Variants in MAD1L1 observed in about 807,000 individuals in gnomAD.
The protein encoded by MAD1L1 is mitotic spindle assembly checkpoint protein MAD1.
A neutral mutation model predicts 96.9 loss-of-function variants in MAD1L1; 95 were observed. The ratio of observed to expected loss-of-function variants is 0.98; its 90% CI spans 0.83 to 1.16. MAD1L1 has a LOEUF of 1.16. Among genes scored for constraint, MAD1L1 ranks in the 50% most tolerant of loss-of-function variants. The probability of loss-of-function intolerance (pLI) is 0.00; values close to 1 mark genes in which losing one functional copy is unlikely to be tolerated. For missense variants in MAD1L1, 1,007 were observed against 954.4 expected (o/e 1.06, Z -0.73); for synonymous variants, 473 against 396.6 (o/e 1.19, Z -2.29).
At position 1,968,236 on chromosome 7, in the gene MAD1L1, G is replaced by A. The variant is rs1310230057; in HGVS notation, c.1506-10517C>T. Among the ~76,000 whole-genome samples, 8 of 151,228 alleles carry A rather than the reference G, an allele frequency of 5.3e-5. No individual in the cohort carries two copies. Among genetic ancestry groups the A allele is most frequent in the African/African-American group, 9.7e-5 (4 of 41,140 alleles). Reference sequence around the variant, plus strand: ...AGGTCCACCGTCGACGCCTCAGTCCGGCGGTCAGGTCCACCGTCAACACCA... The same window carrying A: ...AGGTCCACCGTCGACGCCTCAGTCCAGCGGTCAGGTCCACCGTCAACACCA... On this transcript the variant is annotated intron_variant, in intron 15 of 18. Transcript: ENST00000265854. The surrounding 1 kb of genome is among the most constrained non-coding windows in gnomAD (Gnocchi z 5.6).
chr7:2,088,306 G>A lies in MAD1L1; in HGVS notation c.1074-18968C>T, dbSNP rs536733297. ...AATCCAGGCCCCCATCACAGGCTGC[G>A]CCATCTGGTTACCAGCACGGTGGTC... is the stretch of plus-strand genomic sequence containing the variant. On this transcript the variant is annotated intron_variant, in intron 11 of 18. Transcript: ENST00000265854. The surrounding 1 kb of genome is among the most constrained non-coding windows in gnomAD (Gnocchi z 4.4). Among the ~76,000 whole-genome samples, 5 of 152,276 alleles carry A rather than the reference G, an allele frequency of 3.3e-5. No individual in the cohort carries two copies. The highest frequency in any genetic ancestry group is 1.9e-4 in the East Asian group (1 of 5,174).
At chr7:2,079,718 C>A (rs1785542365) in intron 11 of MAD1L1, 1 of 471,014 alleles carries the variant, frequency 2.1e-6, no homozygotes. Flanking sequence ...CTGGGCAGGG[C>A]TCCTCCAAAT....
In MAD1L1 at chr7:1,840,002, G is replaced by A. The variant is rs373136273; in HGVS notation, c.1999-23774C>T. On this transcript the variant is annotated intron_variant, in intron 18 of 18. Transcript: ENST00000265854. ...AGCAGGACCCCCGCATTACTGCTGC[G>A]CATCCAGCACCTGCAGCGGGGCCCA... Among the ~76,000 whole-genome samples, 43 of 152,358 alleles carry A rather than the reference G, an allele frequency of 2.8e-4. No homozygotes were observed. In the East Asian group the frequency reaches 5.2e-3, roughly 18 times the overall value.
chr7:2,122,313 C>T (rs1788017843), intron 11 of MAD1L1, among the ~76,000 whole-genome samples: 1 of 152,222 alleles, frequency 6.6e-6, no homozygotes, highest in Non-Finnish European at 1.5e-5. Context: ...TATCTAGCAC[C>T]TTGATAACTG....
rs575565106 is a variant in MAD1L1 at position 2,122,840 on chromosome 7, C to T, written c.1073+26312G>A. Reference sequence around the variant, plus strand: ...AAGGCGCAGGATCTGTCCAGAGCTGCACATGTGCAGGCCATGGCGTCAGTG... The same window carrying T: ...AAGGCGCAGGATCTGTCCAGAGCTGTACATGTGCAGGCCATGGCGTCAGTG... On this transcript the variant is annotated intron_variant, in intron 11 of 18. Coordinates refer to ENST00000265854, the MANE Select transcript of MAD1L1 (RefSeq NM_001013836.2). 2.0e-5 allele frequency among the ~76,000 whole-genome samples: 3 copies of T among 152,340 alleles called. No individual in the cohort carries two copies. In the South Asian group the frequency reaches 6.2e-4, roughly 32 times the overall value.
chr7:2,194,648 C>T (rs943692507), intron 10 of MAD1L1, among the ~76,000 whole-genome samples: 6 of 152,156 alleles, frequency 3.9e-5, no homozygotes, highest in African/African-American at 1.4e-4. Flanking sequence ...CAGCCCTTTA[C>T]AGAAAAAACG....
intron 15 of MAD1L1, 66 bp from the exon 16 acceptor site, chr7:1,957,785 T>A: frequency 1.4e-6 from 2 of 1,474,618 alleles, no homozygotes; most frequent in Non-Finnish European, 9.5e-7. Context: ...TCCCACCCTC[T>A]GGGTGATAAG....
chr7:2,167,058 C>A (rs1790462975), intron 10 of MAD1L1, among the ~76,000 whole-genome samples: 2 of 152,216 alleles, frequency 1.3e-5, no homozygotes, highest in Non-Finnish European at 2.9e-5. Flanking sequence ...GAGCTCGAAA[C>A]CCTAAAGCAA....
Position 1,906,396 on chromosome 7 carries a change from C to T in MAD1L1, c.1808-8006G>A, listed in dbSNP as rs1051858094. 9.2e-5 allele frequency among the ~76,000 whole-genome samples: 14 copies of T among 152,226 alleles called. No individual in the cohort carries two copies. The South Asian group carries it at 1.7e-3, about 18-fold the overall frequency. On this transcript the variant is annotated intron_variant, in intron 17 of 18. Transcript: ENST00000265854. The stretch of plus-strand genomic sequence containing the variant: ...GATATTCATGCCCTGCTGGGTGCCC[C>T]GGCCTGGCTGCCACTGCAGCTGCAT...
At chr7:1,951,689 C>T (rs1779502818) in intron 16 of MAD1L1, among the ~76,000 whole-genome samples, 1 of 152,192 alleles carries the variant, frequency 6.6e-6, no homozygotes, top group African/African-American at 2.4e-5. Flanking sequence ...ATCACATAGC[C>T]TGTGTCCTTC....
At chr7:2,031,451 G>C (rs1038921585) in intron 12 of MAD1L1, among the ~76,000 whole-genome samples, 1 of 152,236 alleles carries the variant, frequency 6.6e-6, no homozygotes, top group Non-Finnish European at 1.5e-5. Flanking sequence ...GTAGGAAGGA[G>C]TGGAATCAAT....
chr7:1,860,391 G>T (rs58561683), intron 18 of MAD1L1, among the ~76,000 whole-genome samples: 6 of 130,708 alleles, frequency 4.6e-5, no homozygotes, highest in Non-Finnish European at 1.0e-4. Flanking sequence ...CATCCTGCGG[G>T]GCGGCCTCTG....
chr7:1,871,158 A>G (rs114727750), intron 18 of MAD1L1, among the ~76,000 whole-genome samples: 8,438 of 114,708 alleles, frequency 0.074, 1,258 homozygotes, highest in African/African-American at 0.26. Flanking sequence ...TGAACCGACC[A>G]TAACACCTGC....
At chr7:1,954,168 T>A (rs1779624932) in intron 16 of MAD1L1, among the ~76,000 whole-genome samples, 1 of 151,980 alleles carries the variant, frequency 6.6e-6, no homozygotes, top group Non-Finnish European at 1.5e-5. Context: ...AGGACGACGG[T>A]ATTATGACAG....
chr7:2,078,254 T>C (rs1240017469), intron 11 of MAD1L1, among the ~76,000 whole-genome samples: 1 of 152,166 alleles, frequency 6.6e-6, no homozygotes, highest in Non-Finnish European at 1.5e-5. Flanking sequence ...GGGTCCCGCC[T>C]ACCTGCAGGA....
intron 11 of MAD1L1, among the ~76,000 whole-genome samples, chr7:2,140,000 CA>C (rs1196548132): frequency 1.3e-5 from 2 of 151,364 alleles, no homozygotes; most frequent in South Asian, 2.1e-4. Context: ...CGCCCCCCCC[CA>C]GTCCCTGCCC....
chr7:1,999,142 C>T lies in MAD1L1; in HGVS notation c.1416+2923G>A, dbSNP rs1016115799. 5.3e-5 allele frequency among the ~76,000 whole-genome samples: 8 copies of T among 152,162 alleles called. 1 individual carries two copies. The highest frequency in any genetic ancestry group is 1.4e-4 in the African/African-American group (6 of 41,434). On this transcript the variant is annotated intron_variant, in intron 14 of 18. Transcript: ENST00000265854. ...CAGATGAGGGCAGAGGAATGGAAAC[C>T]GAGTCTCAGACCTGCCATTAAACAA...
chr7:1,831,468 T>A (rs1318059471), intron 18 of MAD1L1, among the ~76,000 whole-genome samples: 1 of 152,126 alleles, frequency 6.6e-6, no homozygotes, highest in Non-Finnish European at 1.5e-5. Flanking sequence ...ACCAGGCCCA[T>A]TAATAACCCT....
Position 2,149,139 on chromosome 7 carries a change from C to A in MAD1L1, c.1073+13G>T. On this transcript the variant is annotated intron_variant, in intron 11 of 18. Transcript: ENST00000265854. ...AACGCATCCCCACAAGCACCCTGGG[C>A]GGCCAGGTCTACCTGCTGGTGACGG... The A allele has an allele frequency of 6.2e-7, 1 of 1,613,526 alleles. No homozygotes were observed. The highest frequency in any genetic ancestry group is 8.5e-7 in the Non-Finnish European group (1 of 1,179,704).
Sources: gnomAD v4.1 joint callset for allele counts (sites outside exome capture counted in the v4.1 genomes callset) on GRCh38, gnomAD v4.1.1 for gene constraint, Gnocchi (gnomAD v3.1) non-coding constraint, MANE v1.5 for transcripts, NCBI Gene and HGNC (gene_info 2026-07-23, HGNC 2026-07-21) for gene names.